NLRC5: variants seen among roughly 807,000 people sequenced by gnomAD.
NLRC5 encodes the protein NLR family CARD domain containing 5, also known as protein NLRC5.
In NLRC5, 114 loss-of-function variants were observed where a neutral mutation model predicts 206.9. The ratio of observed to expected loss-of-function variants is 0.55; its 90% CI spans 0.47 to 0.64. The LOEUF is 0.64. NLRC5 is among the 30% of genes least tolerant of loss of function. NLRC5 has a pLI of 0.00. For synonymous variants in NLRC5, 952 were observed against 962.8 expected, an observed-to-expected ratio of 0.99 and a Z score of 0.21; for missense variants, 2,008 against 2,305.5, an observed-to-expected ratio of 0.87 and a Z score of 2.64.
intron 17 of NLRC5, 84 bp from the exon 18 acceptor site, chr16:57,041,401 C>T: frequency 1.8e-6 from 2 of 1,142,108 alleles, no homozygotes; most frequent in Non-Finnish European, 2.6e-6. Flanking sequence ...CATTCTCTGC[C>T]TCTGTGTCTG....
At chr16:57,028,522 T>G in intron 8 of NLRC5, 137 bp downstream of exon 8, 1 of 682,606 alleles carries the variant, frequency 1.5e-6, no homozygotes, top group Non-Finnish European at 2.5e-6. Flanking sequence ...AAGGCATCAG[T>G]CCAAGTACTC....
intron 19 of NLRC5, among the ~76,000 whole-genome samples, chr16:57,042,727 C>T (rs1473035725): frequency 1.3e-5 from 2 of 152,236 alleles, no homozygotes; most frequent in African/African-American, 4.8e-5. Flanking sequence ...GGGCAAGTTA[C>T]ATCCCCTCTC....
intron 2 of NLRC5, among the ~76,000 whole-genome samples, chr16:57,018,357 C>A (rs1392506213): frequency 6.6e-6 from 1 of 152,266 alleles, no homozygotes; most frequent in Non-Finnish European, 1.5e-5. Context: ...CCTCCTGCCT[C>A]TGTCATGGAC....
chr16:57,082,363 C>A, intron 48 of NLRC5, 54 bp from the exon 49 acceptor site: 1 of 1,411,048 alleles, frequency 7.1e-7, no homozygotes, highest in East Asian at 2.3e-5. Context: ...TCTGCAGATA[C>A]GACAGATGGC....
At position 57,076,764 on chromosome 16, in the gene NLRC5, C is replaced by A. The variant is rs144860599; in HGVS notation, c.4752-55C>A. 536 of 1,525,716 alleles carry A rather than the reference C, an allele frequency of 3.5e-4. 1 individual carries two copies. The East Asian group carries it at 0.01, about 29-fold the overall frequency. 94.5% of individuals were successfully genotyped at this position (1,525,716 alleles called of 1,614,324 possible). On this transcript the variant is annotated intron_variant, in intron 39 of 48. Transcript: ENST00000688547. ...AACTGTAGAGTTCTTAGCACAGCAC[C>A]TGCAAAGGCCTTTAAGCTCCTGAAA...
intron 1 of NLRC5, among the ~76,000 whole-genome samples, chr16:57,002,294 T>TGGG (rs2058348359): frequency 6.6e-6 from 1 of 152,186 alleles, no homozygotes; most frequent in African/African-American, 2.4e-5. Context: ...ATTACAGGCA[T>TGGG]GCCCCACCAT....
At chr16:57,035,369 C>A (rs1437589693) in intron 13 of NLRC5, among the ~76,000 whole-genome samples, 1 of 152,082 alleles carries the variant, frequency 6.6e-6, no homozygotes, top group Non-Finnish European at 1.5e-5. Context: ...TGATGCCTGC[C>A]CCCTTCACTC....
intron 3 of NLRC5, among the ~76,000 whole-genome samples, 175 bp from the exon 4 acceptor site, chr16:57,022,081 C>G (rs1305877849): frequency 6.6e-6 from 1 of 152,240 alleles, no homozygotes; most frequent in Non-Finnish European, 1.5e-5. Flanking sequence ...CCCAGCACTG[C>G]CTTCAAAGCT....
At chr16:57,057,382 C>T (rs2065813321) in intron 27 of NLRC5, among the ~76,000 whole-genome samples, 1 of 152,218 alleles carries the variant, frequency 6.6e-6, no homozygotes. Context: ...CAAGATCGTG[C>T]CATTGCACTC....
rs766874677 is a variant in NLRC5, at chr16:57,079,274, C to T, written c.5219C>T (p.Pro1740Leu). 1.9e-6 allele frequency: 3 copies of T among 1,613,450 alleles called. No individual in the cohort carries two copies. Among genetic ancestry groups the T allele is most frequent in the Non-Finnish European group, 2.5e-6 (3 of 1,180,016 alleles). Residue 1740 changes from proline (P) to leucine (L), a missense_variant, in exon 45 of 49, where the codon CCG becomes CTG. Pro to Leu is a moderately conservative substitution (Grantham distance 98, BLOSUM62 -3). Transcript: ENST00000688547. ...GGVLRFCMEL[P>L]LLRQIDLVSC... The stretch of plus-strand genomic sequence containing the variant: ...GTCCTGCGTTTCTGTATGGAGCTCC[C>T]GCTGCTCAGACAGATAGAGTAAGTA...
At chr16:57,012,610 G>A (rs1214773710) in intron 1 of NLRC5, among the ~76,000 whole-genome samples, 1 of 152,116 alleles carries the variant, frequency 6.6e-6, no homozygotes, top group East Asian at 1.9e-4. Flanking sequence ...CGCATGTGAG[G>A]GATCTAGGTT....
chr16:57,059,017 G>T lies in NLRC5; in HGVS notation c.3876G>T (p.Leu1292=), dbSNP rs1160050259. ...SISQESALYL[L]ETLPSCPRVR... is the part of the protein sequence containing the mutation. ...CTCAGGAAAGTGCCCTGTACCTGCT[G>T]GAGACACTGCCCTCCTGCCCACGTG... is the stretch of plus-strand genomic sequence containing the variant. Residue 1292 remains leucine, a synonymous_variant, in exon 29 of 49, where the codon CTG becomes CTT. Transcript: ENST00000688547. 2 of 1,614,176 alleles carry T rather than the reference G, an allele frequency of 1.2e-6. No homozygotes were observed. The highest frequency in any genetic ancestry group is 1.7e-6 in the Non-Finnish European group (2 of 1,180,024).
At chr16:57,044,913 GA>G (rs1158838957) in intron 20 of NLRC5, among the ~76,000 whole-genome samples, 17 of 144,558 alleles carry the variant, frequency 1.2e-4, no homozygotes, top group African/African-American at 2.1e-4. Context: ...CTGTCTCAAA[GA>G]AAAAAAAATG....
At chr16:57,050,618 G>C (rs2064762557) in intron 23 of NLRC5, among the ~76,000 whole-genome samples, 1 of 152,244 alleles carries the variant, frequency 6.6e-6, no homozygotes, top group African/African-American at 2.4e-5. Context: ...AGGGAACTCA[G>C]TGTCTTGAGT....
At chr16:57,066,406 T>C in intron 33 of NLRC5, 128 bp from the exon 34 acceptor site, 1 of 743,072 alleles carries the variant, frequency 1.3e-6, no homozygotes, top group Non-Finnish European at 2.4e-6. Flanking sequence ...CCTAAGCTGG[T>C]CCCTGGCAGG....
At chr16:57,010,380 T>C (rs964152645) in intron 1 of NLRC5, among the ~76,000 whole-genome samples, 1 of 152,160 alleles carries the variant, frequency 6.6e-6, no homozygotes, top group African/African-American at 2.4e-5. Context: ...ACTTTTTAAT[T>C]TTTTTGTTTT....
chr16:57,043,789 T>C, intron 20 of NLRC5, 185 bp downstream of exon 20: 2 of 628,024 alleles, frequency 3.2e-6, no homozygotes, highest in Non-Finnish European at 5.8e-6. Flanking sequence ...AATGAATGAA[T>C]AAGTATGGCC....
At chr16:57,040,554 G>C (rs2063152119) in intron 16 of NLRC5, 96 bp from the exon 17 acceptor site, 1 of 1,210,040 alleles carries the variant, frequency 8.3e-7, no homozygotes, top group Non-Finnish European at 1.2e-6. Context: ...TCTAGGTGGA[G>C]GATAGGGCTC....
intron 28 of NLRC5, 150 bp from the exon 29 acceptor site, chr16:57,058,822 G>C: frequency 1.4e-6 from 1 of 725,320 alleles, no homozygotes; most frequent in Non-Finnish European, 2.4e-6. Flanking sequence ...TATCCTTCTG[G>C]GCCTCAGTGT....
Sources: gnomAD v4.1 joint callset for allele counts (sites outside exome capture counted in the v4.1 genomes callset) on GRCh38, gnomAD v4.1.1 for gene constraint, MANE v1.5 for transcripts, NCBI Gene and HGNC (gene_info 2026-07-23, HGNC 2026-07-21) for gene names.